ESPN: variants seen among roughly 807,000 people sequenced by gnomAD.
ESPN encodes the protein autosomal recessive deafness type 36 protein.
A neutral mutation model predicts 77.7 loss-of-function variants in ESPN; 68 were observed. That is an observed-to-expected ratio of 0.87 (90% CI 0.72 to 1.07). The LOEUF is 1.07. Among genes scored for constraint, ESPN ranks in the 50% least tolerant of loss-of-function variants. The pLI, the probability that ESPN is intolerant of heterozygous loss-of-function variation, is 0.00. For synonymous variants in ESPN, 449 were observed against 567.1 expected, an observed-to-expected ratio of 0.79 and a Z score of 2.96; for missense variants, 1,060 against 1,239.0, an observed-to-expected ratio of 0.86 and a Z score of 2.17.
In ESPN at chr1:6,460,421, A is replaced by G. The variant is rs191330418; in HGVS notation, c.*275A>G. The G allele has an allele frequency of 1.3e-4, 58 of 455,530 alleles. No homozygotes were observed. In the Middle Eastern group the frequency reaches 3.1e-3, roughly 24 times the overall value. The allele number at this position is 455,530 out of a possible 1,614,324, so 28.2% of individuals were successfully genotyped here. A position where few individuals can be genotyped will look rare whatever the true frequency, so the allele number is the denominator to read the frequency against. ...TGCATGCCGACTTACATATATTTGC[A>G]TGTTCGTTGACTATCAAAGAGTGCA... On this transcript the variant is annotated 3_prime_UTR_variant, in exon 13 of 13. Transcript: ENST00000645284.
rs1415994981 is a variant in ESPN, at chr1:6,451,668, G to A, written c.1981G>A (p.Ala661Thr). 9 of 1,613,148 alleles carry A rather than the reference G, an allele frequency of 5.6e-6. No homozygotes were observed. The highest frequency in any genetic ancestry group is 7.6e-6 in the Non-Finnish European group (9 of 1,179,964). ...CTCGGAGCTACTGGCTGAGATTAAGGCAGGCAAGAGCCTGAAGCCGACGCC... is the reference window on the plus strand; with the variant it reads ...CTCGGAGCTACTGGCTGAGATTAAGACAGGCAAGAGCCTGAAGCCGACGCC... ...DNSELLAEIK[A>T]GKSLKPTPQS... Residue 661 changes from alanine to threonine, a missense_variant, in exon 9 of 13, where the codon GCA (alanine) becomes ACA (threonine). By Grantham distance (58) the Ala-to-Thr change is moderately conservative (BLOSUM62 0). Coordinates refer to ENST00000645284, the MANE Select transcript of ESPN (RefSeq NM_031475.3). The surrounding 1 kb of genome is among the most constrained non-coding windows in gnomAD (Gnocchi z 4.3).
rs1415097451 is a variant in ESPN at position 6,428,245 on chromosome 1, CCA to C, written c.317_318del (p.Thr106SerfsTer57). 2 of 1,613,620 alleles carry C rather than the reference CCA, an allele frequency of 1.2e-6. No homozygotes were observed. The highest frequency in any genetic ancestry group is 4.5e-5 in the East Asian group (2 of 44,870). The stretch of plus-strand genomic sequence containing the variant: ...CCACAGGACAAAGACAATTCTGGTG[CCA>C]CAGTCTTGCATCTGGCTGCCCGCTT... On this transcript the variant is annotated frameshift_variant, in exon 2 of 13. Transcript: ENST00000645284. LOFTEE classifies it high-confidence loss of function. The surrounding 1 kb of genome is among the most constrained non-coding windows in gnomAD (Gnocchi z 5.4).
intron 2 of ESPN, among the ~76,000 whole-genome samples, chr1:6,438,060 A>C (rs1290018811): frequency 2.0e-5 from 3 of 151,882 alleles, no homozygotes; most frequent in African/African-American, 7.3e-5. Flanking sequence ...AGGGGGTGAA[A>C]CACTGGGGGA....
rs1428263120 is a variant in ESPN, at chr1:6,448,646, C to A, written c.1470C>A (p.Ser490Arg). The change falls in exon 8 of 13, where the codon AGC becomes AGA. Residue 490 changes from serine to arginine, a missense_variant. Around this residue, in one of 3 missense-constraint regions of ESPN, gnomAD observed 130 missense variants for 223.9 expected, o/e 0.58. Coordinates refer to ENST00000645284, the MANE Select transcript of ESPN (RefSeq NM_031475.3). ...VETEALKKEL[S>R]SCDGHDGLRR... is the part of the protein sequence containing the mutation. The stretch of plus-strand genomic sequence containing the variant: ...CGGTCACTGTCTTCCCGCAGCTGAG[C>A]TCCTGTGACGGCCACGACGGGCTGC... 17 of 1,561,892 alleles carry A rather than the reference C, an allele frequency of 1.1e-5. No homozygotes were observed. The highest frequency in any genetic ancestry group is 1.3e-5 in the Non-Finnish European group (15 of 1,165,208).
chr1:6,436,992 C>A (rs374634536), intron 2 of ESPN, among the ~76,000 whole-genome samples: 1,889 of 152,122 alleles, frequency 0.012, 43 homozygotes, highest in African/African-American at 0.043. Flanking sequence ...AGGATCCCCT[C>A]CCCCTCAGCC....
At position 6,440,527 on chromosome 1, in the gene ESPN, G is replaced by A; in HGVS notation, c.675+87G>A. On this transcript the variant is annotated intron_variant, in intron 3 of 12. Coordinates refer to ENST00000645284, the MANE Select transcript of ESPN (RefSeq NM_031475.3). ...GGAGGGAGCGGGGCCATCAGGGGTG[G>A]GGCGGGGGGGCGGGGGCGGGCCACG... 8 of 1,111,786 alleles carry A rather than the reference G, an allele frequency of 7.2e-6. No homozygotes were observed. The South Asian group carries it at 9.0e-5, about 13-fold the overall frequency. 68.9% of individuals were successfully genotyped at this position (1,111,786 alleles called of 1,614,324 possible). A position where few individuals can be genotyped will look rare whatever the true frequency, so the allele number is the denominator to read the frequency against.
intron 10 of ESPN, chr1:6,454,844 G>A: frequency 2.5e-6 from 1 of 394,206 alleles, no homozygotes; most frequent in East Asian, 3.6e-5. Flanking sequence ...CGCTGGCGCC[G>A]CTGCCCGACG....
intron 10 of ESPN, chr1:6,455,940 G>A (rs1264668111): frequency 4.3e-5 from 17 of 398,710 alleles, no homozygotes; most frequent in Non-Finnish European, 7.5e-5. Context: ...GCGGACCGAA[G>A]AGGCTGCTCC....
chr1:6,441,976 C>T (rs181848419), intron 5 of ESPN, among the ~76,000 whole-genome samples: 1 of 152,212 alleles, frequency 6.6e-6, no homozygotes, highest in Non-Finnish European at 1.5e-5. Flanking sequence ...GAAAGAGTCT[C>T]TGGAAGAGAA....
Position 6,445,743 on chromosome 1 carries a change from G to T in ESPN, c.1272G>T (p.Thr424=). The change falls in exon 7 of 13, where the codon ACG becomes ACT. Residue 424 remains threonine, a synonymous_variant. Transcript: ENST00000645284. ...LNPELGLPRG[T]IGKPTPPPPP... Reference sequence around the variant, plus strand: ...CGGAGCTGGGCCTGCCTCGGGGCACGATTGGGAAGCCCACACCCCCACCAC... The same window carrying T: ...CGGAGCTGGGCCTGCCTCGGGGCACTATTGGGAAGCCCACACCCCCACCAC... The T allele has an allele frequency of 6.2e-7, 1 of 1,606,582 alleles. No individual in the cohort carries two copies. Among genetic ancestry groups the T allele is most frequent in the Non-Finnish European group, 8.5e-7 (1 of 1,177,142 alleles).
chr1:6,440,504 AGGGAGCG>A, intron 3 of ESPN, 64 bp downstream of exon 3: 2 of 963,060 alleles, frequency 2.1e-6, no homozygotes, highest in Non-Finnish European at 2.6e-6. Context: ...CGGGGAGTGG[AGGGAGCG>A]GGGCCATCAG....
intron 12 of ESPN, among the ~76,000 whole-genome samples, chr1:6,459,501 C>T (rs1460153574): frequency 6.6e-6 from 1 of 152,140 alleles, no homozygotes; most frequent in Non-Finnish European, 1.5e-5. Context: ...TGTTCAGCAG[C>T]CACATGTGCT....
In ESPN at chr1:6,451,996, C is replaced by T. The variant is rs754878916; in HGVS notation, c.2225C>T (p.Thr742Met). 77 of 1,606,940 alleles carry T rather than the reference C, an allele frequency of 4.8e-5. No homozygotes were observed. Among genetic ancestry groups the T allele is most frequent in the East Asian group, 4.5e-4 (20 of 44,582 alleles). ...CTGGACGTGGAGGCTCTCATCCCCA[C>T]GCACGATGAGCAGGGCCGGCCCATC... The part of the protein sequence containing the change: ...VQLDVEALIP[T>M]HDEQGRPIPE... The change falls in exon 10 of 13, where the codon ACG becomes ATG. Residue 742 changes from threonine to methionine, a missense_variant. Thr to Met is a moderately conservative substitution (Grantham distance 81). Transcript: ENST00000645284. This position sits in a 1 kb window ranked among gnomAD's most constrained non-coding sequence, Gnocchi z 4.3.
intron 10 of ESPN, chr1:6,456,801 C>A (rs1644064991): frequency 5.8e-6 from 2 of 346,884 alleles, no homozygotes; most frequent in East Asian, 1.3e-4. Context: ...CAGGGGCAGC[C>A]TGAGTCTCCC....
intron 2 of ESPN, among the ~76,000 whole-genome samples, chr1:6,429,486 C>T (rs1449354042): frequency 6.6e-6 from 1 of 152,044 alleles, no homozygotes; most frequent in Non-Finnish European, 1.5e-5. Context: ...CAGGTTGGGG[C>T]GTGGGAGCCA....
intron 10 of ESPN, chr1:6,454,709 C>T (rs1259084750): frequency 2.5e-6 from 1 of 398,454 alleles, no homozygotes; most frequent in South Asian, 1.3e-4. Flanking sequence ...ATGGCCGCGC[C>T]GCCAGCCTGC....
At chr1:6,426,563 G>A (rs942641924) in intron 1 of ESPN, among the ~76,000 whole-genome samples, 1 of 152,162 alleles carries the variant, frequency 6.6e-6, no homozygotes, top group Admixed American at 6.5e-5. Context: ...CACCACGCAC[G>A]AGGCTCCTGG....
intron 8 of ESPN, 143 bp downstream of exon 8, chr1:6,449,234 T>C: frequency 1.2e-6 from 1 of 856,126 alleles, no homozygotes; most frequent in Non-Finnish European, 1.6e-6. Context: ...CCCCATTGAG[T>C]ACTTGACCCT....
chr1:6,429,891 C>T (rs867248234), intron 2 of ESPN: 1 of 153,594 alleles, frequency 6.5e-6, no homozygotes, highest in African/African-American at 2.4e-5. Flanking sequence ...AGCTGCCAGC[C>T]CCCCAGGAGT....
Sources: allele counts gnomAD v4.1 joint callset (sites outside exome capture counted in the v4.1 genomes callset), GRCh38; gene constraint gnomAD v4.1.1; regional missense constraint gnomAD v4.1.1; non-coding constraint Gnocchi (gnomAD v3.1); transcripts MANE v1.5; gene names NCBI Gene and HGNC (gene_info 2026-07-23, HGNC 2026-07-21).